Variants in ZNF541 observed in about 807,000 individuals in gnomAD.
ZNF541 encodes zinc finger protein 541.
ZNF541 carries 23 observed loss-of-function variants against 123.5 expected under a neutral mutation model. The ratio of observed to expected loss-of-function variants is 0.19; its 90% CI spans 0.13 to 0.26. The LOEUF (loss-of-function observed/expected upper bound fraction) is 0.26, where lower values mean the gene tolerates loss of function less well. Ranked by LOEUF, ZNF541 falls within the 10% of genes least tolerant of loss-of-function variation. ZNF541 has a pLI of 1.00. For synonymous variants in ZNF541, 751 were observed against 754.5 expected (o/e 1.00, Z 0.08); for missense variants, 1,612 against 1,789.9 (o/e 0.90, Z 1.79).
At chr19:47,532,603 C>T (rs1176353031) in intron 10 of ZNF541, among the ~76,000 whole-genome samples, 1 of 152,116 alleles carries the variant, frequency 6.6e-6, no homozygotes, top group South Asian at 2.1e-4. Flanking sequence ...ATGCTTGAGT[C>T]CCACTCTGTG....
rs892180380 is a variant in ZNF541 at position 47,544,933 on chromosome 19, C to T, written c.1596G>A (p.Ala532=). The T allele has an allele frequency of 5.3e-5, 82 of 1,535,450 alleles. No homozygotes were observed. In the African/African-American group the frequency reaches 9.2e-4, roughly 17 times the overall value. The change falls in exon 5 of 17, where the codon GCG becomes GCA. Residue 532 remains alanine (A), a synonymous_variant. Coordinates refer to ENST00000391901, the MANE Select transcript of ZNF541 (RefSeq NM_001277075.3). ...QEAQKAGGLP[A]DASPLFRQLF... is the part of the protein sequence containing the mutation. Reference sequence around the variant, plus strand: ...GCTGGCGGAAGAGCGGCGAGGCATCCGCAGGGAGCCCGCCTGCCTTCTGGG... The same window carrying T: ...GCTGGCGGAAGAGCGGCGAGGCATCTGCAGGGAGCCCGCCTGCCTTCTGGG...
At position 47,540,294 on chromosome 19, in the gene ZNF541, C is replaced by T; in HGVS notation, c.2504G>A (p.Arg835Lys). Reference protein sequence around the residue: ...NGSPTDWTKPRSTFVCKNCSQ... With the variant: ...NGSPTDWTKPKSTFVCKNCSQ... ...GCAGTTCTTGCAGACAAAAGTGCTC[C>T]TGGGCTTCGTCCAGTCTGTGGGACT... Residue 835 changes from arginine (R) to lysine (K), a missense_variant, in exon 7 of 17, where the codon AGG becomes AAG. Arg to Lys is a conservative substitution (Grantham distance 26). This residue lies in a region of ZNF541 where 1,080 missense variants were observed against 1,013.8 expected (regional missense o/e 1.07). Transcript: ENST00000391901. 6.4e-7 allele frequency: 1 copy of T among 1,552,148 alleles called. No individual in the cohort carries two copies. The highest frequency in any genetic ancestry group is 8.7e-7 in the Non-Finnish European group (1 of 1,147,084).
chr19:47,553,918 A>C (rs1449658582), intron 3 of ZNF541, among the ~76,000 whole-genome samples: 1 of 152,174 alleles, frequency 6.6e-6, no homozygotes, highest in Non-Finnish European at 1.5e-5. Context: ...TCCAAAAGAA[A>C]ACTCAACATG....
Position 47,560,576 on chromosome 19 carries a change from CAAAAAAAAAAA to C in ZNF541, c.-98-4633_-98-4623del, listed in dbSNP as rs77981071. Among the ~76,000 whole-genome samples the C allele has an allele frequency of 3.6e-3, 193 of 53,802 alleles. 1 individual carries two copies. The highest frequency in any genetic ancestry group is 7.0e-3 in the Non-Finnish European group (171 of 24,582). 35.3% of individuals were successfully genotyped at this position (53,802 alleles called of 152,430 possible). A position where few individuals can be genotyped will look rare whatever the true frequency, so the allele number is the denominator to read the frequency against. Reference sequence around the variant, plus strand: ...AGGAGACAAGGGCAAAACTCTGTCCCAAAAAAAAAAAAAAAAAAAAGTCCACACTGGCAGTT... The same window carrying C: ...AGGAGACAAGGGCAAAACTCTGTCCCAAAAAAAAAGTCCACACTGGCAGTT... On this transcript the variant is annotated intron_variant, in intron 2 of 16. Transcript: ENST00000391901.
At chr19:47,543,260 CAACT>C (rs1970159333) in intron 5 of ZNF541, among the ~76,000 whole-genome samples, 1 of 152,100 alleles carries the variant, frequency 6.6e-6, no homozygotes, top group Non-Finnish European at 1.5e-5. Flanking sequence ...CCACCATGCC[CAACT>C]AATTTTTTTT....
intron 14 of ZNF541, among the ~76,000 whole-genome samples, 195 bp from the exon 15 acceptor site, chr19:47,522,189 A>G (rs926645876): frequency 6.6e-6 from 1 of 152,188 alleles, no homozygotes; most frequent in Non-Finnish European, 1.5e-5. Context: ...CTGGAGCCAC[A>G]TAGTAGCCAC....
Position 47,555,973 on chromosome 19 carries a change from G to GA in ZNF541, c.-98-20dup. On this transcript the variant is annotated intron_variant, in intron 2 of 16. Transcript: ENST00000391901. ...CTAATTCCTGAAAATGAAGCAAGAA[G>GA]AATGAAAGTTATTAGGTGGCAAAAC... The GA allele has an allele frequency of 9.0e-7, 1 of 1,114,084 alleles. No homozygotes were observed. Among genetic ancestry groups the GA allele is most frequent in the Non-Finnish European group, 1.3e-6 (1 of 795,060 alleles). 69.0% of individuals were successfully genotyped at this position (1,114,084 alleles called of 1,614,324 possible). A position where few individuals can be genotyped will look rare whatever the true frequency, so the allele number is the denominator to read the frequency against.
rs1969000924 is a variant in ZNF541, at chr19:47,521,077, C to T, written c.*147G>A. On this transcript the variant is annotated 3_prime_UTR_variant, in exon 17 of 17. Coordinates refer to ENST00000391901, the MANE Select transcript of ZNF541 (RefSeq NM_001277075.3). The surrounding 1 kb of genome is among the most constrained non-coding windows in gnomAD (Gnocchi z 4.2). ...CTGAGCTCCTCCTGCCTATCTGTGGCCAAATGCCCTCCATGTTTGCAGGCA... is the reference window on the plus strand; with the variant it reads ...CTGAGCTCCTCCTGCCTATCTGTGGTCAAATGCCCTCCATGTTTGCAGGCA... 2 of 1,025,348 alleles carry T rather than the reference C, an allele frequency of 2.0e-6. No homozygotes were observed. Among genetic ancestry groups the T allele is most frequent in the Non-Finnish European group, 2.8e-6 (2 of 720,650 alleles). 63.5% of individuals were successfully genotyped at this position (1,025,348 alleles called of 1,614,324 possible).
In ZNF541 at chr19:47,545,131, A is replaced by ACCG. The variant is rs1427735550; in HGVS notation, c.1395_1397dup (p.Gly467dup). On this transcript the variant is annotated inframe_insertion, in exon 5 of 17. Coordinates refer to ENST00000391901, the MANE Select transcript of ZNF541 (RefSeq NM_001277075.3). This position sits in a 1 kb window ranked among gnomAD's most constrained non-coding sequence, Gnocchi z 7.5. Reference sequence around the variant, plus strand: ...GGAAGGGCAGAGCATCCTCCAGGCCACCGCCGGGGCCGGGCGGGGACTCCT... The same window carrying ACCG: ...GGAAGGGCAGAGCATCCTCCAGGCCACCGCCGCCGGGGCCGGGCGGGGACTCCT... 6.7e-7 allele frequency: 1 copy of ACCG among 1,482,032 alleles called. No individual in the cohort carries two copies. Among genetic ancestry groups the ACCG allele is most frequent in the East Asian group, 2.5e-5 (1 of 40,240 alleles). 91.8% of individuals were successfully genotyped at this position (1,482,032 alleles called of 1,614,324 possible). A position where few individuals can be genotyped will look rare whatever the true frequency, so the allele number is the denominator to read the frequency against.
chr19:47,544,540 C>T lies in ZNF541; in HGVS notation c.1989G>A (p.Pro663=), dbSNP rs919350497. 1.3e-6 allele frequency: 2 copies of T among 1,551,584 alleles called. No homozygotes were observed. The highest frequency in any genetic ancestry group is 8.7e-7 in the Non-Finnish European group (1 of 1,146,970). ...CTGGATTCCTGGAAGGGTCCAGAGA[C>T]GGTGCTGCAAGGGGCGTTGGAACCG... ...VAAVPTPLAA[P]SLDPSRNPDI... is the part of the protein sequence containing the mutation. The change falls in exon 5 of 17, where the codon CCG becomes CCA. Residue 663 remains proline (P), a synonymous_variant. Transcript: ENST00000391901.
chr19:47,554,506 A>C (rs1487355959), intron 3 of ZNF541, among the ~76,000 whole-genome samples: 1 of 152,260 alleles, frequency 6.6e-6, no homozygotes, highest in African/African-American at 2.4e-5. Context: ...AAGTGTGTTT[A>C]CAATAGTTCC....
rs755503767 is a variant in ZNF541 at position 47,545,444 on chromosome 19, G to C, written c.1085C>G (p.Ala362Gly). 3 of 1,476,606 alleles carry C rather than the reference G, an allele frequency of 2.0e-6. No homozygotes were observed. The highest frequency in any genetic ancestry group is 2.5e-5 in the East Asian group (1 of 40,248). 91.5% of individuals were successfully genotyped at this position (1,476,606 alleles called of 1,614,324 possible). A position where few individuals can be genotyped will look rare whatever the true frequency, so the allele number is the denominator to read the frequency against. Residue 362 changes from alanine (A) to glycine (G), a missense_variant, in exon 5 of 17, where the codon GCC becomes GGC. Ala to Gly is a moderately conservative substitution (Grantham distance 60). Around this residue, in one of 5 missense-constraint regions of ZNF541, gnomAD observed 1,080 missense variants for 1,013.8 expected, o/e 1.07. Transcript: ENST00000391901. This position sits in a 1 kb window ranked among gnomAD's most constrained non-coding sequence, Gnocchi z 7.5. Reference sequence around the variant, plus strand: ...TGGCTCCGGCTCTGGCGGGTCGGGGGCGCCGTTCTCGGCGGCCCTGGAATT... The same window carrying C: ...TGGCTCCGGCTCTGGCGGGTCGGGGCCGCCGTTCTCGGCGGCCCTGGAATT... ...APNSRAAENG[A>G]PDPPEPEPDT... is the part of the protein sequence containing the mutation.
chr19:47,521,046 C>G lies in ZNF541; in HGVS notation c.*178G>C. The G allele has an allele frequency of 1.4e-6, 1 of 714,222 alleles. No homozygotes were observed. Among genetic ancestry groups the G allele is most frequent in the Middle Eastern group, 4.0e-4 (1 of 2,478 alleles). The allele number at this position is 714,222 out of a possible 1,614,324, so 44.2% of individuals were successfully genotyped here. ...ACCGGACAGGGACTGCATAGCTGTC[C>G]GACAACTGAGCTCCTCCTGCCTATC... On this transcript the variant is annotated 3_prime_UTR_variant, in exon 17 of 17. Coordinates refer to ENST00000391901, the MANE Select transcript of ZNF541 (RefSeq NM_001277075.3). This position sits in a 1 kb window ranked among gnomAD's most constrained non-coding sequence, Gnocchi z 4.2.
intron 14 of ZNF541, among the ~76,000 whole-genome samples, chr19:47,528,254 G>A (rs1221633894): frequency 4.8e-5 from 7 of 144,636 alleles, no homozygotes; most frequent in Non-Finnish European, 1.1e-4. Context: ...GGCGGAGGTT[G>A]CGGTGAGCCA....
intron 9 of ZNF541, 77 bp downstream of exon 9, chr19:47,538,065 T>C: frequency 6.7e-7 from 1 of 1,491,878 alleles, no homozygotes; most frequent in Non-Finnish European, 9.1e-7. Context: ...CTGAACCCAA[T>C]GCTACAAGGT....
At chr19:47,573,212 G>A (rs922453635), upstream of ZNF541, among the ~76,000 whole-genome samples, 1 of 150,642 alleles carries the variant, frequency 6.6e-6, no homozygotes, top group African/African-American at 2.4e-5. Flanking sequence ...CCTCGCTCAC[G>A]CGCGGCGCAG....
intron 14 of ZNF541, among the ~76,000 whole-genome samples, chr19:47,525,360 T>C (rs1969238743): frequency 6.6e-6 from 1 of 151,914 alleles, no homozygotes; most frequent in African/African-American, 2.4e-5. Flanking sequence ...TCCTAGCAGG[T>C]TTTTTGTTTT....
chr19:47,557,376 A>T (rs1245675765), intron 2 of ZNF541, among the ~76,000 whole-genome samples: 3 of 152,216 alleles, frequency 2.0e-5, no homozygotes, highest in Non-Finnish European at 2.9e-5. Flanking sequence ...AGAAAAAAAT[A>T]GCCAGTGAGA....
At chr19:47,558,686 C>T (rs1167042673) in intron 2 of ZNF541, among the ~76,000 whole-genome samples, 4 of 150,836 alleles carry the variant, frequency 2.7e-5, no homozygotes, top group African/African-American at 4.9e-5. Flanking sequence ...CTCCGCCTCC[C>T]GGGTTTAAGC....
Sources: gnomAD v4.1 joint callset for allele counts (sites outside exome capture counted in the v4.1 genomes callset) on GRCh38, gnomAD v4.1.1 for gene constraint, gnomAD v4.1.1 regional missense constraint, Gnocchi (gnomAD v3.1) non-coding constraint, MANE v1.5 for transcripts, NCBI Gene and HGNC (gene_info 2026-07-23, HGNC 2026-07-21) for gene names.